Variants in RBFOX1 observed in about 807,000 individuals in gnomAD.
RBFOX1 encodes RNA binding fox-1 homolog 1.
In RBFOX1, 8 loss-of-function variants were observed where a neutral mutation model predicts 57.7. The ratio of observed to expected loss-of-function variants is 0.14; its 90% CI spans 0.08 to 0.25. The LOEUF is 0.25. Among genes scored for constraint, RBFOX1 ranks in the 10% least tolerant of loss-of-function variants. The pLI, the probability that RBFOX1 is intolerant of heterozygous loss-of-function variation, is 1.00. For synonymous variants in RBFOX1, 326 were observed against 222.4 expected, an observed-to-expected ratio of 1.47 and a Z score of -4.15; for missense variants, 611 against 548.5, an observed-to-expected ratio of 1.11 and a Z score of -1.14.
chr16:6,987,097 C>A (rs1456038229), intron 3 of RBFOX1, among the ~76,000 whole-genome samples: 1 of 152,122 alleles, frequency 6.6e-6, no homozygotes, highest in Non-Finnish European at 1.5e-5. Context: ...TTAGCAGCTT[C>A]CATTTATCAG....
At chr16:5,844,223 T>G (rs1378397565) in intron 3 of RBFOX1, among the ~76,000 whole-genome samples, 1 of 152,192 alleles carries the variant, frequency 6.6e-6, no homozygotes, top group African/African-American at 2.4e-5. Flanking sequence ...TTATTATGTT[T>G]TTTTTCCACC....
At chr16:7,458,205 C>G (rs1181976010) in intron 4 of RBFOX1, among the ~76,000 whole-genome samples, 2 of 152,122 alleles carry the variant, frequency 1.3e-5, no homozygotes, top group African/African-American at 4.8e-5. Context: ...AAGACAGGGA[C>G]CTTGTCTCTC....
At chr16:7,170,631 C>A (rs988137947) in intron 4 of RBFOX1, among the ~76,000 whole-genome samples, 10 of 152,078 alleles carry the variant, frequency 6.6e-5, no homozygotes, top group African/African-American at 2.2e-4. Flanking sequence ...TTAGAGGTAC[C>A]CACTTTGGGT....
intron 2 of RBFOX1, among the ~76,000 whole-genome samples, chr16:5,554,431 G>T (rs890788113): frequency 1.3e-5 from 2 of 151,994 alleles, no homozygotes; most frequent in African/African-American, 4.8e-5. Context: ...TTCAAAAGAG[G>T]TTCTTCTAAA....
chr16:7,559,232 C>T (rs1054561527), intron 5 of RBFOX1, among the ~76,000 whole-genome samples: 4 of 152,152 alleles, frequency 2.6e-5, no homozygotes, highest in Non-Finnish European at 5.9e-5. Context: ...CAGTGGTGAG[C>T]CTCTCCATCA....
chr16:6,273,323 A>C (rs1347635709), intron 1 of RBFOX1, among the ~76,000 whole-genome samples: 7 of 150,542 alleles, frequency 4.6e-5, no homozygotes, highest in African/African-American at 1.7e-4. Context: ...AGCTAGGCAA[A>C]GAGTTTGTTG....
At chr16:5,987,605 A>G (rs1209682075) in intron 4 of RBFOX1, among the ~76,000 whole-genome samples, 1 of 152,172 alleles carries the variant, frequency 6.6e-6, no homozygotes, top group Non-Finnish European at 1.5e-5. Flanking sequence ...CGGGAGGCAG[A>G]GGCAGGAGAA....
intron 4 of RBFOX1, among the ~76,000 whole-genome samples, chr16:5,919,621 C>T (rs1320111190): frequency 6.6e-6 from 1 of 151,912 alleles, no homozygotes; most frequent in East Asian, 1.9e-4. Flanking sequence ...TGGGATTATG[C>T]AAATTTTATA....
intron 1 of RBFOX1, among the ~76,000 whole-genome samples, chr16:6,242,560 A>G (rs1220797705): frequency 1.3e-5 from 2 of 150,628 alleles, no homozygotes; most frequent in Non-Finnish European, 2.9e-5. Context: ...GTATGAGTCC[A>G]TCATCACTTA....
At chr16:6,152,193 T>G (rs1597827140) in intron 1 of RBFOX1, among the ~76,000 whole-genome samples, 2 of 152,222 alleles carry the variant, frequency 1.3e-5, no homozygotes, top group African/African-American at 4.8e-5. Flanking sequence ...TAATATTGTC[T>G]GAGTCAATCC....
intron 1 of RBFOX1, among the ~76,000 whole-genome samples, chr16:6,025,066 G>T (rs1284455493): frequency 6.6e-6 from 1 of 152,180 alleles, no homozygotes; most frequent in Non-Finnish European, 1.5e-5. Flanking sequence ...TTATTCTAAT[G>T]GGAAACCATT....
At chr16:6,917,282 A>G (rs184928203) in intron 3 of RBFOX1, among the ~76,000 whole-genome samples, 2 of 152,334 alleles carry the variant, frequency 1.3e-5, no homozygotes, top group Admixed American at 6.5e-5. Context: ...TTAGGGACTC[A>G]TTTGTAACCA....
At chr16:5,751,122 C>T (rs372692017) in intron 3 of RBFOX1, among the ~76,000 whole-genome samples, 1 of 152,172 alleles carries the variant, frequency 6.6e-6, no homozygotes, top group South Asian at 2.1e-4. Context: ...GGATTACAGG[C>T]ATGAGCCATC....
At chr16:6,798,753 G>A (rs1347469968) in intron 3 of RBFOX1, among the ~76,000 whole-genome samples, 1 of 152,054 alleles carries the variant, frequency 6.6e-6, no homozygotes. Flanking sequence ...ATGATAAATG[G>A]AACAAATGGA....
At chr16:7,191,339 GAA>G (rs71147668) in intron 4 of RBFOX1, among the ~76,000 whole-genome samples, 144 of 142,812 alleles carry the variant, frequency 1.0e-3, no homozygotes, top group Middle Eastern at 3.6e-3. Context: ...GACAAAAAAA[GAA>G]AAAAAAAAAA....
intron 2 of RBFOX1, among the ~76,000 whole-genome samples, chr16:6,564,685 C>A (rs2097233856): frequency 6.6e-6 from 1 of 152,072 alleles, no homozygotes; most frequent in South Asian, 2.1e-4. Flanking sequence ...ACACAAATTT[C>A]AGTAAAAAGA....
chr16:5,984,386 A>G (rs1441397206), intron 4 of RBFOX1, among the ~76,000 whole-genome samples: 2 of 151,632 alleles, frequency 1.3e-5, no homozygotes, highest in East Asian at 2.0e-4. Context: ...CTACTTGAAT[A>G]GAGGAAGCAA....
intron 4 of RBFOX1, among the ~76,000 whole-genome samples, chr16:7,289,681 A>G (rs1383166716): frequency 6.6e-6 from 1 of 152,160 alleles, no homozygotes; most frequent in African/African-American, 2.4e-5. Context: ...CATTATCACA[A>G]TTATCCTTGA....
chr16:7,639,951 CCA>C (rs2062488755), intron 11 of RBFOX1, among the ~76,000 whole-genome samples: 1 of 152,154 alleles, frequency 6.6e-6, no homozygotes, highest in Admixed American at 6.5e-5. Context: ...ATGGTGAACT[CCA>C]GAGATTATTC....
Sources: gnomAD v4.1 joint callset for allele counts (sites outside exome capture counted in the v4.1 genomes callset) on GRCh38, gnomAD v4.1.1 for gene constraint, MANE v1.5 for transcripts, NCBI Gene and HGNC (gene_info 2026-07-23, HGNC 2026-07-21) for gene names.